LSM3: variants seen among roughly 807,000 people sequenced by gnomAD.
The protein encoded by LSM3 is LSM3 homolog, U6 small nuclear RNA and mRNA degradation associated, also known as U6 snRNA-associated Sm-like protein LSm3.
In LSM3, 14 loss-of-function variants were observed where a neutral mutation model predicts 15.4. The ratio of observed to expected loss-of-function variants is 0.91; its 90% CI spans 0.60 to 1.42. LSM3 has a LOEUF of 1.42. Among genes scored for constraint, LSM3 ranks in the 40% most tolerant of loss-of-function variants. LSM3 has a pLI of 0.00. For synonymous variants in LSM3, 46 were observed against 45.1 expected (o/e 1.02, Z -0.08); for missense variants, 88 against 127.9 (o/e 0.69, Z 1.50).
chr3:14,187,278 T>C (rs1183125686), intron 3 of LSM3, among the ~76,000 whole-genome samples: 1 of 152,240 alleles, frequency 6.6e-6, no homozygotes, highest in Non-Finnish European at 1.5e-5. Context: ...GATTAATTGC[T>C]GCCTTGAAAG....
chr3:14,185,158 C>G (rs1253150901), intron 3 of LSM3, among the ~76,000 whole-genome samples: 1 of 152,132 alleles, frequency 6.6e-6, no homozygotes, highest in African/African-American at 2.4e-5. Flanking sequence ...CGAGACCACC[C>G]TGGCCAACAT....
chr3:14,181,946 G>GT (rs1574987152), intron 2 of LSM3, among the ~76,000 whole-genome samples: 1 of 152,174 alleles, frequency 6.6e-6, no homozygotes, highest in East Asian at 1.9e-4. Flanking sequence ...ATTCGTAAAT[G>GT]TTTTTTAAAT....
rs1332151161 is a variant in LSM3, at chr3:14,199,262, C to T, written c.*1146C>T. 6.6e-6 allele frequency: 1 copy of T among 152,196 alleles called. No homozygotes were observed. The highest frequency in any genetic ancestry group is 1.5e-5 in the Non-Finnish European group (1 of 68,036). The allele number at this position is 152,196 out of a possible 1,614,324, so 9.4% of individuals were successfully genotyped here. A position where few individuals can be genotyped will look rare whatever the true frequency, so the allele number is the denominator to read the frequency against. ...AAAGCAAAGCTGTTTTTATTTCTAG[C>T]TTCAGTCAGCACATAATGCTTAAAA... On this transcript the variant is annotated 3_prime_UTR_variant, in exon 4 of 4. Coordinates refer to ENST00000306024, the MANE Select transcript of LSM3 (RefSeq NM_014463.3).
intron 3 of LSM3, among the ~76,000 whole-genome samples, chr3:14,190,656 G>T (rs186315134): frequency 6.6e-6 from 1 of 152,148 alleles, no homozygotes; most frequent in Non-Finnish European, 1.5e-5. Flanking sequence ...CTGAGACTTC[G>T]CTGAAGTTGC....
intron 3 of LSM3, among the ~76,000 whole-genome samples, chr3:14,185,704 G>A (rs1362934553): frequency 3.3e-5 from 5 of 152,128 alleles, no homozygotes; most frequent in Non-Finnish European, 5.9e-5. Context: ...AATCTGAAAC[G>A]GTAACAGTAA....
chr3:14,191,153 A>C (rs1402293699), intron 3 of LSM3, among the ~76,000 whole-genome samples: 1 of 152,152 alleles, frequency 6.6e-6, no homozygotes, highest in Admixed American at 6.5e-5. Context: ...GTGGTGGATC[A>C]GCTTTTTGAG....
chr3:14,199,469 C>A lies in LSM3; in HGVS notation c.*1353C>A, dbSNP rs1448499949. On this transcript the variant is annotated 3_prime_UTR_variant, in exon 4 of 4. Transcript: ENST00000306024. ...TTCATTATCAAGCACGATATGCTCA[C>A]AAATGCACAGTACTTTAAGCCTTGT... is the stretch of plus-strand genomic sequence containing the variant. The A allele has an allele frequency of 6.6e-6, 1 of 152,176 alleles. No individual in the cohort carries two copies. The highest frequency in any genetic ancestry group is 1.9e-4 in the East Asian group (1 of 5,192). The allele number at this position is 152,176 out of a possible 1,614,324, so 9.4% of individuals were successfully genotyped here. A position where few individuals can be genotyped will look rare whatever the true frequency, so the allele number is the denominator to read the frequency against.
At chr3:14,180,981 A>G (rs1191205342) in intron 1 of LSM3, among the ~76,000 whole-genome samples, 1 of 151,652 alleles carries the variant, frequency 6.6e-6, no homozygotes, top group African/African-American at 2.4e-5. Flanking sequence ...CCCTTGGAGT[A>G]GCTGGGACTA....
At chr3:14,184,194 G>T (rs956193265) in intron 3 of LSM3, among the ~76,000 whole-genome samples, 162 bp downstream of exon 3, 6 of 152,206 alleles carry the variant, frequency 3.9e-5, no homozygotes, top group Non-Finnish European at 7.3e-5. Context: ...GACAGACCCT[G>T]TTGCCAGTAC....
At position 14,194,775 on chromosome 3, in the gene LSM3, C is replaced by CTTT. The variant is rs145805608; in HGVS notation, c.229-3236_229-3234dup. 1.1e-3 allele frequency among the ~76,000 whole-genome samples: 96 copies of CTTT among 88,770 alleles called. 3 individuals are homozygous for CTTT. In the East Asian group the frequency reaches 0.018, roughly 16 times the overall value. The allele number at this position is 88,770 out of a possible 152,430, so 58.2% of individuals were successfully genotyped here. ...TCTCTGATATTGAGTTTATAGCATC[C>CTTT]TTTTTTTTTTTTTTTTTTTTTTTTT... On this transcript the variant is annotated intron_variant, in intron 3 of 3. Transcript: ENST00000306024.
intron 3 of LSM3, among the ~76,000 whole-genome samples, chr3:14,188,302 C>T (rs1460595241): frequency 6.6e-6 from 1 of 152,124 alleles, no homozygotes; most frequent in Non-Finnish European, 1.5e-5. Flanking sequence ...AGACCTGCTC[C>T]CTCATACATA....
chr3:14,195,061 G>C (rs923582080), intron 3 of LSM3, among the ~76,000 whole-genome samples: 1 of 152,054 alleles, frequency 6.6e-6, no homozygotes. Flanking sequence ...TGCACTGCTG[G>C]AGTTTGTTTC....
At chr3:14,184,400 A>G (rs1225596745) in intron 3 of LSM3, among the ~76,000 whole-genome samples, 1 of 152,204 alleles carries the variant, frequency 6.6e-6, no homozygotes, top group Non-Finnish European at 1.5e-5. Context: ...TGTGGATTTG[A>G]TCTATTAATA....
chr3:14,193,641 T>G (rs1348010628), intron 3 of LSM3, among the ~76,000 whole-genome samples: 1 of 152,220 alleles, frequency 6.6e-6, no homozygotes, highest in Non-Finnish European at 1.5e-5. Context: ...CCATTTATGT[T>G]TTTCTCTACA....
intron 3 of LSM3, among the ~76,000 whole-genome samples, chr3:14,186,320 A>C (rs1386816798): frequency 6.6e-6 from 1 of 152,256 alleles, no homozygotes; most frequent in Non-Finnish European, 1.5e-5. Flanking sequence ...CCACCTTTTT[A>C]ATTGAGCCAG....
chr3:14,180,149 T>C (rs1418731316), intron 1 of LSM3, among the ~76,000 whole-genome samples: 1 of 152,194 alleles, frequency 6.6e-6, no homozygotes, highest in African/African-American at 2.4e-5. Context: ...TGAATAATCT[T>C]TCTAACTCTT....
chr3:14,196,376 CAG>C (rs1697187831), intron 3 of LSM3, among the ~76,000 whole-genome samples: 1 of 152,172 alleles, frequency 6.6e-6, no homozygotes, highest in Non-Finnish European at 1.5e-5. Context: ...ATATCCAGCT[CAG>C]GGTGCAGGAC....
At chr3:14,185,382 CT>C (rs1490379815) in intron 3 of LSM3, among the ~76,000 whole-genome samples, 1 of 151,936 alleles carries the variant, frequency 6.6e-6, no homozygotes, top group Admixed American at 6.6e-5. Flanking sequence ...AAAAAAAAAC[CT>C]ATCACGTGTT....
chr3:14,180,261 T>C (rs1161695496), intron 1 of LSM3, among the ~76,000 whole-genome samples: 3 of 152,146 alleles, frequency 2.0e-5, no homozygotes, highest in African/African-American at 7.2e-5. Context: ...ATAATATTAA[T>C]AGGAATCTTT....
Sources: gnomAD v4.1 joint callset for allele counts (sites outside exome capture counted in the v4.1 genomes callset) on GRCh38, gnomAD v4.1.1 for gene constraint, MANE v1.5 for transcripts, NCBI Gene and HGNC (gene_info 2026-07-23, HGNC 2026-07-21) for gene names.